Variants in DGKB observed in about 807,000 individuals in gnomAD.
The protein encoded by DGKB is diacylglycerol kinase beta.
Under a neutral mutation model 114.3 loss-of-function variants are expected in DGKB, and 67 were observed. The ratio of observed to expected loss-of-function variants is 0.59; its 90% CI spans 0.48 to 0.72. The LOEUF is 0.72. Ranked by LOEUF, DGKB falls within the 30% of genes least tolerant of loss-of-function variation. The probability of loss-of-function intolerance (pLI) is 0.00; values close to 1 mark genes in which losing one functional copy is unlikely to be tolerated. For missense variants in DGKB, 907 were observed against 975.2 expected, an observed-to-expected ratio of 0.93 and a Z score of 0.93; for synonymous variants, 398 against 323.1, an observed-to-expected ratio of 1.23 and a Z score of -2.49.
At chr7:14,563,641 CTGTT>C (rs1796986174) in intron 20 of DGKB, among the ~76,000 whole-genome samples, 1 of 95,092 alleles carries the variant, frequency 1.1e-5, no homozygotes, top group East Asian at 3.1e-4. Context: ...TCATACAACT[CTGTT>C]TTTTTTTTTT....
intron 21 of DGKB, among the ~76,000 whole-genome samples, chr7:14,396,206 T>G (rs1264692073): frequency 1.3e-5 from 2 of 152,002 alleles, no homozygotes; most frequent in African/African-American, 4.8e-5. Context: ...CCTGAAAAAT[T>G]TCACATTTTT....
intron 13 of DGKB, among the ~76,000 whole-genome samples, chr7:14,645,006 G>C (rs903054207): frequency 4.6e-5 from 7 of 152,132 alleles, no homozygotes; most frequent in Non-Finnish European, 1.0e-4. Flanking sequence ...GTTCCAGATA[G>C]ACTCCACAAC....
At chr7:14,453,462 T>C (rs1831827163) in intron 21 of DGKB, among the ~76,000 whole-genome samples, 1 of 152,126 alleles carries the variant, frequency 6.6e-6, no homozygotes, top group Non-Finnish European at 1.5e-5. Context: ...CATTACACTT[T>C]GCAGAGAATC....
At chr7:14,863,145 T>C (rs868734214) in intron 1 of DGKB, among the ~76,000 whole-genome samples, 1 of 151,722 alleles carries the variant, frequency 6.6e-6, no homozygotes, top group Non-Finnish European at 1.5e-5. Flanking sequence ...ATTTAAATTG[T>C]ATCCCCTTAA....
chr7:14,609,677 AAAC>A (rs1417246581), intron 16 of DGKB, among the ~76,000 whole-genome samples: 1 of 152,166 alleles, frequency 6.6e-6, no homozygotes, highest in East Asian at 1.9e-4. Flanking sequence ...AATGGGAAAA[AAAC>A]AACAACAAAT....
At chr7:14,855,927 T>C (rs982429161) in intron 1 of DGKB, among the ~76,000 whole-genome samples, 41 of 151,836 alleles carry the variant, frequency 2.7e-4, no homozygotes, top group African/African-American at 9.2e-4. Context: ...TATTAAAATA[T>C]TGCTACTTTT....
chr7:14,280,886 G>C (rs1256733862), intron 23 of DGKB, among the ~76,000 whole-genome samples: 1 of 151,730 alleles, frequency 6.6e-6, no homozygotes, highest in African/African-American at 2.4e-5. Context: ...GGAACAACCA[G>C]TACCAGCCAC....
intron 1 of DGKB, among the ~76,000 whole-genome samples, chr7:14,890,431 G>A (rs182651492): frequency 4.4e-4 from 67 of 151,310 alleles, no homozygotes; most frequent in Middle Eastern, 3.4e-3. Flanking sequence ...ACATGCCTTC[G>A]CTTATCTCAT....
intron 2 of DGKB, among the ~76,000 whole-genome samples, chr7:14,801,843 T>C (rs1190467269): frequency 6.6e-6 from 1 of 151,980 alleles, no homozygotes; most frequent in Non-Finnish European, 1.5e-5. Context: ...TATGTGCATG[T>C]GTGTATCTAT....
rs570238042 is a variant in DGKB, at chr7:14,284,541, G to A, written c.2122+53974C>T. Among the ~76,000 whole-genome samples, 253 of 143,268 alleles carry A rather than the reference G, an allele frequency of 1.8e-3. 3 individuals are homozygous for A. The highest frequency in any genetic ancestry group is 7.0e-3 in the African/African-American group (238 of 34,120). The allele number at this position is 143,268 out of a possible 152,430, so 94.0% of individuals were successfully genotyped here. On this transcript the variant is annotated intron_variant, in intron 23 of 25. Transcript: ENST00000402815. ...TACCCAAAGGACTATAAATCATGCT[G>A]CTATAAAGACACATGCACACGTATG...
In DGKB at chr7:14,250,118, CTA is replaced by C. The variant is rs1423327874; in HGVS notation, c.2123-71969_2123-71968del. Reference sequence around the variant, plus strand: ...TACAGGTGTGGGCTACCACACTTGGCTATATATATATATATTTTTTTTTTTTT... The same window carrying C: ...TACAGGTGTGGGCTACCACACTTGGCTATATATATATATTTTTTTTTTTTT... On this transcript the variant is annotated intron_variant, in intron 23 of 25. Coordinates refer to ENST00000402815, the MANE Select transcript of DGKB (RefSeq NM_001350709.2). 4.0e-4 allele frequency among the ~76,000 whole-genome samples: 56 copies of C among 139,938 alleles called. 1 individual carries two copies. The highest frequency in any genetic ancestry group is 7.3e-3 in the Middle Eastern group (2 of 274). The allele number at this position is 139,938 out of a possible 152,430, so 91.8% of individuals were successfully genotyped here. A position where few individuals can be genotyped will look rare whatever the true frequency, so the allele number is the denominator to read the frequency against.
chr7:14,583,080 T>C lies in DGKB; in HGVS notation c.1491A>G (p.Gly497=). ...DFRVLACGGD[G]TVGWVLDCIE... Reference sequence around the variant, plus strand: ...TGCAATCCAAAACCCAGCCCACGGTTCCATCTCCACCACAGGCTAACACTC... The same window carrying C: ...TGCAATCCAAAACCCAGCCCACGGTCCCATCTCCACCACAGGCTAACACTC... Residue 497 remains glycine (G), a synonymous_variant, in exon 18 of 26, where the codon GGA becomes GGG. Coordinates refer to ENST00000402815, the MANE Select transcript of DGKB (RefSeq NM_001350709.2). The C allele has an allele frequency of 6.2e-7, 1 of 1,613,456 alleles. No individual in the cohort carries two copies. The highest frequency in any genetic ancestry group is 1.1e-5 in the South Asian group (1 of 91,032).
chr7:14,598,284 G>A (rs1802937967), intron 17 of DGKB, among the ~76,000 whole-genome samples: 1 of 152,062 alleles, frequency 6.6e-6, no homozygotes, highest in Non-Finnish European at 1.5e-5. Flanking sequence ...TCTGCTAATG[G>A]AGTCAAGATA....
chr7:14,499,724 A>G (rs1159604271), intron 20 of DGKB, among the ~76,000 whole-genome samples: 1 of 151,886 alleles, frequency 6.6e-6, no homozygotes, highest in East Asian at 1.9e-4. Flanking sequence ...TAACCTTTAT[A>G]CTACATAAAC....
At position 14,682,856 on chromosome 7, in the gene DGKB, G is replaced by A. The variant is rs1394313458; in HGVS notation, c.830-15C>T. The stretch of plus-strand genomic sequence containing the variant: ...GTACTTGCAGACTGAAAGGAAACAG[G>A]TACACAAATTCAGAGCTAATCCTGG... On this transcript the variant is annotated splice_polypyrimidine_tract_variant and intron_variant, in intron 10 of 25. Coordinates refer to ENST00000402815, the MANE Select transcript of DGKB (RefSeq NM_001350709.2). The A allele has an allele frequency of 1.3e-6, 2 of 1,555,032 alleles. No individual in the cohort carries two copies. Among genetic ancestry groups the A allele is most frequent in the Non-Finnish European group, 1.7e-6 (2 of 1,143,424 alleles).
chr7:14,169,811 T>C (rs2128235176), intron 25 of DGKB, among the ~76,000 whole-genome samples: 1 of 152,024 alleles, frequency 6.6e-6, no homozygotes, highest in East Asian at 1.9e-4. Flanking sequence ...TTTTAAATGA[T>C]AGAGTTGTAA....
chr7:14,840,971 A>G (rs563230758), intron 2 of DGKB, among the ~76,000 whole-genome samples: 1 of 152,112 alleles, frequency 6.6e-6, no homozygotes, highest in South Asian at 2.1e-4. Context: ...TGCACCTAAC[A>G]TTTTAGTTCC....
chr7:14,526,923 T>A (rs961232201), intron 20 of DGKB, among the ~76,000 whole-genome samples: 1 of 152,128 alleles, frequency 6.6e-6, no homozygotes, highest in Admixed American at 6.6e-5. Context: ...TGTGTGAAGA[T>A]CTAATTGGGT....
intron 2 of DGKB, among the ~76,000 whole-genome samples, chr7:14,772,242 A>T (rs1837528707): frequency 1.3e-5 from 2 of 152,148 alleles, no homozygotes; most frequent in African/African-American, 4.8e-5. Flanking sequence ...CTTAGAATAA[A>T]TCTCTTAAAA....
Sources: gnomAD v4.1 joint callset for allele counts (sites outside exome capture counted in the v4.1 genomes callset) on GRCh38, gnomAD v4.1.1 for gene constraint, MANE v1.5 for transcripts, NCBI Gene and HGNC (gene_info 2026-07-23, HGNC 2026-07-21) for gene names.